Variants in CNTN5 observed in about 807,000 individuals in gnomAD.
The protein encoded by CNTN5 is contactin-5.
In CNTN5, 77 loss-of-function variants were observed where a neutral mutation model predicts 129.1. The ratio of observed to expected loss-of-function variants is 0.60; its 90% CI spans 0.50 to 0.72. The LOEUF is 0.72. Among genes scored for constraint, CNTN5 ranks in the 30% least tolerant of loss-of-function variants. The pLI is 0.00. For synonymous variants in CNTN5, 509 were observed against 465.6 expected (o/e 1.09, Z -1.20); for missense variants, 1,478 against 1,328.8 (o/e 1.11, Z -1.75).
chr11:100,044,462 C>T (rs1942557694), intron 9 of CNTN5, among the ~76,000 whole-genome samples: 2 of 151,052 alleles, frequency 1.3e-5, no homozygotes, highest in African/African-American at 4.9e-5. Flanking sequence ...TGTGTATAAG[C>T]ATTCCCTTTT....
chr11:99,640,987 C>T (rs1951751219), intron 3 of CNTN5, among the ~76,000 whole-genome samples: 1 of 152,164 alleles, frequency 6.6e-6, no homozygotes, highest in Non-Finnish European at 1.5e-5. Context: ...CACTGATGAC[C>T]ATCAGTTGAT....
intron 1 of CNTN5, among the ~76,000 whole-genome samples, chr11:99,169,735 A>G (rs985042075): frequency 6.6e-6 from 1 of 152,210 alleles, no homozygotes; most frequent in Admixed American, 6.5e-5. Context: ...TTAAACTCAT[A>G]GTTTTATATA....
At chr11:99,501,195 C>G (rs1946415252) in intron 2 of CNTN5, among the ~76,000 whole-genome samples, 1 of 152,106 alleles carries the variant, frequency 6.6e-6, no homozygotes, top group Non-Finnish European at 1.5e-5. Context: ...CTGTGCTGTT[C>G]ATAGAATTGA....
At chr11:99,577,846 A>ATG (rs749654918) in intron 3 of CNTN5, among the ~76,000 whole-genome samples, 3,883 of 115,108 alleles carry the variant, frequency 0.034, 81 homozygotes, top group South Asian at 0.056. Flanking sequence ...TTATTATTAT[A>ATG]CTTTAAGTTT....
chr11:99,314,473 G>A (rs548670372), intron 1 of CNTN5, among the ~76,000 whole-genome samples: 5 of 152,076 alleles, frequency 3.3e-5, no homozygotes, highest in South Asian at 2.1e-4. Flanking sequence ...TCACTTGTTC[G>A]GTAGTGACTA....
intron 6 of CNTN5, among the ~76,000 whole-genome samples, chr11:99,912,245 TG>T (rs764293126): frequency 4.8e-4 from 73 of 152,090 alleles, no homozygotes; most frequent in Non-Finnish European, 9.4e-4. Flanking sequence ...TGTGTGTTCA[TG>T]TATTAATAGC....
chr11:99,462,954 A>C (rs1216490346), intron 2 of CNTN5, among the ~76,000 whole-genome samples: 1 of 151,628 alleles, frequency 6.6e-6, no homozygotes, highest in African/African-American at 2.4e-5. Context: ...AACAAACAAA[A>C]AAAATTAGCC....
At chr11:99,704,427 T>C (rs1402937132) in intron 3 of CNTN5, among the ~76,000 whole-genome samples, 3 of 151,120 alleles carry the variant, frequency 2.0e-5, no homozygotes, top group African/African-American at 7.3e-5. Context: ...ACAACTCAGA[T>C]TAGTGTGGTT....
intron 3 of CNTN5, among the ~76,000 whole-genome samples, chr11:99,643,732 A>G (rs938110646): frequency 4.6e-5 from 7 of 152,230 alleles, no homozygotes; most frequent in African/African-American, 1.4e-4. Flanking sequence ...CACAAACCCT[A>G]CATAGATGGG....
chr11:100,180,785 G>A (rs189456244), intron 13 of CNTN5, among the ~76,000 whole-genome samples: 1 of 152,032 alleles, frequency 6.6e-6, no homozygotes, highest in Admixed American at 6.6e-5. Context: ...TATCAGGAAA[G>A]TAAAAATAAT....
intron 2 of CNTN5, among the ~76,000 whole-genome samples, chr11:99,473,360 A>T (rs924144157): frequency 6.6e-6 from 1 of 152,186 alleles, no homozygotes; most frequent in Non-Finnish European, 1.5e-5. Flanking sequence ...TATAATAATA[A>T]TGCTAGAATT....
Position 100,029,925 on chromosome 11 carries a change from T to C in CNTN5, c.980+27789T>C, listed in dbSNP as rs575295893. Among the ~76,000 whole-genome samples the C allele has an allele frequency of 5.3e-5, 8 of 152,224 alleles. No individual in the cohort carries two copies. The East Asian group carries it at 1.5e-3, about 29-fold the overall frequency. On this transcript the variant is annotated intron_variant, in intron 9 of 24. Transcript: ENST00000524871. ...CTGTCATCTATTTAAAAATGTAGAG[T>C]ATTAAGGCTAGTTCTTGTGCTTTAC...
chr11:99,300,054 T>C (rs1864563657), intron 1 of CNTN5, among the ~76,000 whole-genome samples: 1 of 152,066 alleles, frequency 6.6e-6, no homozygotes, highest in Non-Finnish European at 1.5e-5. Context: ...CTTGCCAACA[T>C]TTGTTATTTT....
chr11:99,302,491 A>G (rs919658254), intron 1 of CNTN5, among the ~76,000 whole-genome samples: 17 of 151,796 alleles, frequency 1.1e-4, no homozygotes, highest in Non-Finnish European at 1.8e-4. Flanking sequence ...GTGACTACTA[A>G]ATGGTATGCT....
At chr11:99,680,856 T>C (rs1302386928) in intron 3 of CNTN5, among the ~76,000 whole-genome samples, 1 of 152,040 alleles carries the variant, frequency 6.6e-6, no homozygotes, top group Non-Finnish European at 1.5e-5. Flanking sequence ...ATTCTGCTGA[T>C]GTTCTTATGC....
rs117513406 is a variant in CNTN5 at position 100,312,375 on chromosome 11, C to T, written c.2730+3907C>T. On this transcript the variant is annotated intron_variant, in intron 21 of 24. Coordinates refer to ENST00000524871, the MANE Select transcript of CNTN5 (RefSeq NM_014361.4). Reference sequence around the variant, plus strand: ...TTCCTCTCTTTTCTGTATTCTTTTTCCCTCGAAAGAGAGTTCTGCCTCTGT... The same window carrying T: ...TTCCTCTCTTTTCTGTATTCTTTTTTCCTCGAAAGAGAGTTCTGCCTCTGT... Among the ~76,000 whole-genome samples the T allele has an allele frequency of 8.0e-3, 1,216 of 152,044 alleles. 2 individuals are homozygous for T. Among genetic ancestry groups the T allele is most frequent in the Middle Eastern group, 0.031 (9 of 294 alleles).
chr11:100,338,532 A>G (rs1177256007), intron 21 of CNTN5, among the ~76,000 whole-genome samples: 1 of 152,176 alleles, frequency 6.6e-6, no homozygotes, highest in Non-Finnish European at 1.5e-5. Context: ...TGGGGGAAAA[A>G]AAAAGAATTA....
At chr11:99,421,273 G>A (rs981579175) in intron 2 of CNTN5, among the ~76,000 whole-genome samples, 5 of 151,880 alleles carry the variant, frequency 3.3e-5, no homozygotes, top group Non-Finnish European at 5.9e-5. Context: ...GTGGAAGAGA[G>A]GTGAAACAAA....
intron 2 of CNTN5, among the ~76,000 whole-genome samples, chr11:99,446,661 G>A (rs146648855): frequency 1.3e-5 from 2 of 152,240 alleles, no homozygotes; most frequent in Non-Finnish European, 2.9e-5. Context: ...TAGAAGCAAG[G>A]TTTTATCCGA....
Sources: allele counts gnomAD v4.1 joint callset (sites outside exome capture counted in the v4.1 genomes callset), GRCh38; gene constraint gnomAD v4.1.1; transcripts MANE v1.5; gene names NCBI Gene and HGNC (gene_info 2026-07-23, HGNC 2026-07-21).